ZNF678: variants seen among roughly 807,000 people sequenced by gnomAD.
ZNF678 encodes the protein zinc finger protein 678.
Under a neutral mutation model 3.0 loss-of-function variants are expected in ZNF678, and 5 were observed. The observed-to-expected ratio is 1.69, with a 90% CI of 0.88 to 3.56. The LOEUF (loss-of-function observed/expected upper bound fraction) is 3.56, where lower values mean the gene tolerates loss of function less well. Ranked by LOEUF, ZNF678 falls within the 30% of genes most tolerant of loss-of-function variation. The pLI is 0.00. For synonymous variants in ZNF678, 218 were observed against 199.6 expected (o/e 1.09, Z -0.78); for missense variants, 593 against 605.0 (o/e 0.98, Z 0.21).
intron 3 of ZNF678, 109 bp from the exon 4 acceptor site, chr1:227,654,224 TTTA>T (rs1659156003): frequency 1.1e-6 from 1 of 871,360 alleles, no homozygotes; most frequent in Non-Finnish European, 1.6e-6. Context: ...CATGTGATAT[TTTA>T]TTATGCCATC....
At chr1:227,619,021 C>G (rs948016343) in intron 1 of ZNF678, among the ~76,000 whole-genome samples, 2 of 152,138 alleles carry the variant, frequency 1.3e-5, no homozygotes, top group African/African-American at 4.8e-5. Context: ...ACCTGCCAAA[C>G]ACTTTAAAAC....
intron 2 of ZNF678, among the ~76,000 whole-genome samples, chr1:227,648,832 A>C (rs995938577): frequency 3.3e-5 from 3 of 90,242 alleles, no homozygotes; most frequent in Middle Eastern, 4.3e-3. Flanking sequence ...ACTCCATCCC[A>C]AAAAAAAACA....
At chr1:227,565,150 C>T (rs1656641986) in intron 1 of ZNF678, among the ~76,000 whole-genome samples, 1 of 150,252 alleles carries the variant, frequency 6.7e-6, no homozygotes, top group African/African-American at 2.5e-5. Flanking sequence ...ACTGCAGCCT[C>T]CGCCTCCTGG....
At chr1:227,672,372 G>A (rs998703226) in intron 5 of ZNF678, among the ~76,000 whole-genome samples, 2 of 152,054 alleles carry the variant, frequency 1.3e-5, no homozygotes, top group Middle Eastern at 3.2e-3. Flanking sequence ...CAGGGAAGAC[G>A]AAGGGCCCAT....
intron 1 of ZNF678, among the ~76,000 whole-genome samples, chr1:227,627,527 A>G (rs978499948): frequency 6.6e-6 from 1 of 151,870 alleles, no homozygotes; most frequent in African/African-American, 2.4e-5. Flanking sequence ...TAAGACTGCC[A>G]CCTCTAGGTT....
chr1:227,654,358 A>G lies in ZNF678; in HGVS notation c.108A>G (p.Gln36=), dbSNP rs763102777. Residue 36 remains glutamine, a synonymous_variant, in exon 4 of 4, where the codon CAA becomes CAG. Coordinates refer to ENST00000343776, the MANE Select transcript of ZNF678 (RefSeq NM_001367909.1). ...CAGCTATTTTATCTTATTCCATTCAAGACCTTTTGCCAGAGCAGGATATGA... is the reference window on the plus strand; with the variant it reads ...CAGCTATTTTATCTTATTCCATTCAGGACCTTTTGCCAGAGCAGGATATGA... ...VYTAILSYSI[Q]DLLPEQDMKD... 2 of 1,564,378 alleles carry G rather than the reference A, an allele frequency of 1.3e-6. No homozygotes were observed. The highest frequency in any genetic ancestry group is 2.4e-5 in the South Asian group (2 of 82,026).
intron 1 of ZNF678, among the ~76,000 whole-genome samples, chr1:227,578,102 T>G (rs1657032318): frequency 6.6e-6 from 1 of 152,134 alleles, no homozygotes; most frequent in Non-Finnish European, 1.5e-5. Context: ...CGTTGAGAGG[T>G]CCACTTTTAG....
At chr1:227,633,223 G>C (rs185631327) in intron 1 of ZNF678, among the ~76,000 whole-genome samples, 1 of 152,210 alleles carries the variant, frequency 6.6e-6, no homozygotes, top group Non-Finnish European at 1.5e-5. Flanking sequence ...AAACAGACCA[G>C]AAGAGTGTGC....
chr1:227,651,836 A>G (rs1659099133), intron 3 of ZNF678, among the ~76,000 whole-genome samples: 1 of 152,118 alleles, frequency 6.6e-6, no homozygotes, highest in Non-Finnish European at 1.5e-5. Context: ...ACCCTCTCAA[A>G]TAGCTGGAAT....
chr1:227,600,046 T>C (rs1016919610), intron 1 of ZNF678, among the ~76,000 whole-genome samples: 5 of 152,186 alleles, frequency 3.3e-5, no homozygotes, highest in African/African-American at 1.2e-4. Context: ...AGTTCTCCCT[T>C]AGGGAAATGC....
intron 1 of ZNF678, among the ~76,000 whole-genome samples, chr1:227,637,985 G>C (rs766158529): frequency 6.6e-6 from 1 of 152,088 alleles, no homozygotes; most frequent in African/African-American, 2.4e-5. Context: ...TATGGGTGTC[G>C]AAGTCTCTTT....
intron 1 of ZNF678, among the ~76,000 whole-genome samples, chr1:227,603,297 A>G (rs1021934657): frequency 2.6e-5 from 4 of 151,942 alleles, no homozygotes; most frequent in Non-Finnish European, 5.9e-5. Context: ...GGATGAATCT[A>G]TTTTGCTACT....
chr1:227,613,607 A>G (rs1048472568), intron 1 of ZNF678, among the ~76,000 whole-genome samples: 1 of 152,206 alleles, frequency 6.6e-6, no homozygotes, highest in African/African-American at 2.4e-5. Context: ...CAATAAGTTA[A>G]TGTTGGCTGA....
At chr1:227,669,646 C>A (rs1245672760) in intron 5 of ZNF678, among the ~76,000 whole-genome samples, 42 of 138,314 alleles carry the variant, frequency 3.0e-4, no homozygotes, top group South Asian at 4.6e-4. Flanking sequence ...GAGACCGTCT[C>A]AAAAAAAAAA....
At chr1:227,619,493 C>A (rs1658221264) in intron 1 of ZNF678, among the ~76,000 whole-genome samples, 1 of 151,424 alleles carries the variant, frequency 6.6e-6, no homozygotes, top group South Asian at 2.1e-4. Context: ...CATAGTTAAC[C>A]CTTTTATGCC....
intron 1 of ZNF678, among the ~76,000 whole-genome samples, chr1:227,583,674 A>G (rs558721494): frequency 2.6e-5 from 4 of 152,342 alleles, no homozygotes; most frequent in African/African-American, 9.6e-5. Context: ...AAAGCTTTCA[A>G]AGGAGACCAA....
intron 1 of ZNF678, among the ~76,000 whole-genome samples, chr1:227,645,318 G>T (rs1658927401): frequency 6.6e-6 from 1 of 152,094 alleles, no homozygotes; most frequent in Admixed American, 6.6e-5. Context: ...CTGGTTCTCG[G>T]GTAAATGAGT....
At chr1:227,581,010 G>A (rs944911443) in intron 1 of ZNF678, among the ~76,000 whole-genome samples, 1 of 151,860 alleles carries the variant, frequency 6.6e-6, no homozygotes, top group African/African-American at 2.4e-5. Flanking sequence ...TCTATATAAA[G>A]GTCATGTACA....
At chr1:227,672,571 T>A in intron 5 of ZNF678, among the ~76,000 whole-genome samples, 1 of 152,080 alleles carries the variant, frequency 6.6e-6, no homozygotes, top group East Asian at 1.9e-4. Flanking sequence ...AACTCCAGGG[T>A]CAGGTCGGTC....
Sources: allele counts gnomAD v4.1 joint callset (sites outside exome capture counted in the v4.1 genomes callset), GRCh38; gene constraint gnomAD v4.1.1; transcripts MANE v1.5; gene names NCBI Gene and HGNC (gene_info 2026-07-23, HGNC 2026-07-21).